Variants in LAMA2 observed in about 807,000 individuals in gnomAD.
LAMA2 encodes laminin subunit alpha 2, also known as laminin subunit alpha-2.
In LAMA2, 269 loss-of-function variants were observed where a neutral mutation model predicts 364.8. That is an observed-to-expected ratio of 0.74 (90% CI 0.67 to 0.82). The LOEUF is 0.82. LAMA2 is among the 40% of genes least tolerant of loss of function. LAMA2 has a pLI of 0.00. For synonymous variants in LAMA2, 1,379 were observed against 1,370.6 expected, an observed-to-expected ratio of 1.01 and a Z score of -0.14; for missense variants, 3,807 against 3,873.2, an observed-to-expected ratio of 0.98 and a Z score of 0.45.
chr6:129,376,765 A>G (rs1210068583), intron 34 of LAMA2, among the ~76,000 whole-genome samples: 2 of 152,176 alleles, frequency 1.3e-5, no homozygotes, highest in Non-Finnish European at 2.9e-5. Context: ...GTGCCATCGC[A>G]GGGGTTCCAA....
At chr6:129,264,927 G>T (rs1038384777) in intron 15 of LAMA2, among the ~76,000 whole-genome samples, 1 of 152,146 alleles carries the variant, frequency 6.6e-6, no homozygotes, top group Non-Finnish European at 1.5e-5. Flanking sequence ...GTTAAGAGTA[G>T]TGTTACTGAA....
intron 15 of LAMA2, among the ~76,000 whole-genome samples, chr6:129,261,260 A>G (rs1028690092): frequency 2.6e-5 from 4 of 152,032 alleles, no homozygotes; most frequent in African/African-American, 9.7e-5. Flanking sequence ...CCAAATCACA[A>G]TCATCTGAAG....
At position 129,260,698 on chromosome 6, in the gene LAMA2, T is replaced by G. The variant is rs139246515; in HGVS notation, c.2097-13T>G. ...CTTTACTTATTCACCATCTCTTTTT[T>G]CCTCTGCCATAGGTTGAGCTCTGTT... On this transcript the variant is annotated splice_polypyrimidine_tract_variant and intron_variant, in intron 14 of 64. Coordinates refer to ENST00000421865, the MANE Select transcript of LAMA2 (RefSeq NM_000426.4). 2.6e-6 allele frequency: 4 copies of G among 1,518,420 alleles called. No homozygotes were observed. The highest frequency in any genetic ancestry group is 3.7e-6 in the Non-Finnish European group (4 of 1,093,060). 94.1% of individuals were successfully genotyped at this position (1,518,420 alleles called of 1,614,324 possible).
At chr6:129,248,436 CTT>C (rs966703217) in intron 12 of LAMA2, among the ~76,000 whole-genome samples, 9 of 152,106 alleles carry the variant, frequency 5.9e-5, no homozygotes, top group African/African-American at 2.2e-4. Context: ...CACTTTGACT[CTT>C]TTTATTGACA....
intron 23 of LAMA2, among the ~76,000 whole-genome samples, chr6:129,313,622 T>G (rs369984289): frequency 1.3e-5 from 2 of 152,226 alleles, no homozygotes; most frequent in Non-Finnish European, 2.9e-5. Flanking sequence ...CTCATTAATA[T>G]GGTTAAATGA....
At chr6:128,928,403 T>A (rs974379751) in intron 1 of LAMA2, among the ~76,000 whole-genome samples, 8 of 152,318 alleles carry the variant, frequency 5.3e-5, no homozygotes, top group Admixed American at 1.3e-4. Flanking sequence ...AAATCATACT[T>A]AGAATACTAT....
At chr6:129,376,626 T>C (rs1189855859) in intron 34 of LAMA2, among the ~76,000 whole-genome samples, 1 of 152,178 alleles carries the variant, frequency 6.6e-6, no homozygotes. Flanking sequence ...CCCAGCCACT[T>C]TGTCCCACCA....
intron 7 of LAMA2, 65 bp from the exon 8 acceptor site, chr6:129,154,438 CAG>C: frequency 7.1e-7 from 1 of 1,409,612 alleles, no homozygotes; most frequent in Non-Finnish European, 9.9e-7. Context: ...TTATGTATAA[CAG>C]AAATGATTTT....
chr6:129,311,343 A>G (rs951675588), intron 22 of LAMA2, among the ~76,000 whole-genome samples: 2 of 151,938 alleles, frequency 1.3e-5, no homozygotes, highest in African/African-American at 2.4e-5. Flanking sequence ...GGACGGTCTC[A>G]ATCTCCTGAC....
At chr6:128,921,350 C>T (rs1225090355) in intron 1 of LAMA2, among the ~76,000 whole-genome samples, 1 of 152,132 alleles carries the variant, frequency 6.6e-6, no homozygotes, top group Non-Finnish European at 1.5e-5. Flanking sequence ...GGTTGAATTG[C>T]ATCCTTCAAA....
At chr6:128,937,354 G>A (rs994141627) in intron 1 of LAMA2, among the ~76,000 whole-genome samples, 19 of 152,058 alleles carry the variant, frequency 1.2e-4, no homozygotes, top group Admixed American at 1.1e-3. Context: ...ATCTGGGTTA[G>A]CATTGTATAA....
At chr6:129,138,479 A>T (rs1341029969) in intron 4 of LAMA2, among the ~76,000 whole-genome samples, 1 of 152,128 alleles carries the variant, frequency 6.6e-6, no homozygotes, top group East Asian at 1.9e-4. Context: ...TAAGGCCAGG[A>T]AGATTCTTGG....
intron 12 of LAMA2, among the ~76,000 whole-genome samples, chr6:129,200,150 A>G (rs541889799): frequency 6.1e-5 from 6 of 98,922 alleles, no homozygotes; most frequent in South Asian, 3.2e-4. Context: ...ACACATATAC[A>G]CGTGTATATA....
At chr6:129,207,958 C>T (rs1782793041) in intron 12 of LAMA2, among the ~76,000 whole-genome samples, 1 of 152,134 alleles carries the variant, frequency 6.6e-6, no homozygotes. Context: ...TGAGAGGGAA[C>T]TGGTTGGGAT....
intron 14 of LAMA2, among the ~76,000 whole-genome samples, chr6:129,258,873 A>T (rs1489914652): frequency 1.3e-5 from 2 of 152,092 alleles, no homozygotes; most frequent in Admixed American, 1.3e-4. Context: ...TAAACACTAT[A>T]GGACAGTGAT....
At chr6:128,887,477 T>C (rs1203833740) in intron 1 of LAMA2, among the ~76,000 whole-genome samples, 1 of 152,124 alleles carries the variant, frequency 6.6e-6, no homozygotes, top group African/African-American at 2.4e-5. Flanking sequence ...TTTTATATTA[T>C]GTTATATTTC....
intron 51 of LAMA2, among the ~76,000 whole-genome samples, chr6:129,468,957 G>C (rs1783677231): frequency 6.6e-6 from 1 of 151,808 alleles, no homozygotes; most frequent in African/African-American, 2.4e-5. Context: ...TAGTTGAGGG[G>C]GTAGGAGGGG....
chr6:128,941,326 TG>T (rs996529547), intron 1 of LAMA2, among the ~76,000 whole-genome samples: 1 of 152,032 alleles, frequency 6.6e-6, no homozygotes, highest in Non-Finnish European at 1.5e-5. Context: ...TAGAATGAGG[TG>T]GGGGAGGTTC....
At chr6:129,513,618 G>A (rs1233398139) in intron 63 of LAMA2, among the ~76,000 whole-genome samples, 2 of 152,100 alleles carry the variant, frequency 1.3e-5, no homozygotes, top group African/African-American at 4.8e-5. Flanking sequence ...CTTGTCGAAT[G>A]TCTTGCCAAA....
Sources: gnomAD v4.1 joint callset for allele counts (sites outside exome capture counted in the v4.1 genomes callset) on GRCh38, gnomAD v4.1.1 for gene constraint, MANE v1.5 for transcripts, NCBI Gene and HGNC (gene_info 2026-07-23, HGNC 2026-07-21) for gene names.